SMYD3: variants seen among roughly 807,000 people sequenced by gnomAD.
SMYD3 encodes SET and MYND domain containing 3.
SMYD3 carries 36 observed loss-of-function variants against 57.7 expected under a neutral mutation model. The ratio of observed to expected loss-of-function variants is 0.62; its 90% CI spans 0.48 to 0.82. SMYD3 has a LOEUF of 0.82. Ranked by LOEUF, SMYD3 falls within the 40% of genes least tolerant of loss-of-function variation. The pLI is 0.00. For missense variants in SMYD3, 515 were observed against 538.8 expected (o/e 0.96, Z 0.44); for synonymous variants, 211 against 195.0 (o/e 1.08, Z -0.68).
intron 5 of SMYD3, among the ~76,000 whole-genome samples, chr1:245,979,928 T>C (rs1239047931): frequency 6.6e-6 from 1 of 152,236 alleles, no homozygotes; most frequent in Non-Finnish European, 1.5e-5. Context: ...ATCAGAATTA[T>C]CTTCCAGATC....
chr1:246,181,600 C>T (rs914343081), intron 5 of SMYD3, among the ~76,000 whole-genome samples: 1 of 152,090 alleles, frequency 6.6e-6, no homozygotes, highest in Non-Finnish European at 1.5e-5. Flanking sequence ...GTCAGAATAC[C>T]CCATAGGTAT....
intron 5 of SMYD3, among the ~76,000 whole-genome samples, chr1:245,961,782 A>C (rs1489978023): frequency 6.6e-6 from 1 of 152,092 alleles, no homozygotes; most frequent in Non-Finnish European, 1.5e-5. Flanking sequence ...TGTTACTATA[A>C]TTAACATGTA....
chr1:246,210,815 G>A (rs999321552), intron 5 of SMYD3, among the ~76,000 whole-genome samples: 1 of 152,054 alleles, frequency 6.6e-6, no homozygotes, highest in Non-Finnish European at 1.5e-5. Flanking sequence ...ATATTTGACC[G>A]TACGATCTTA....
intron 7 of SMYD3, among the ~76,000 whole-genome samples, chr1:245,919,998 G>T (rs1211831443): frequency 6.6e-6 from 1 of 152,124 alleles, no homozygotes; most frequent in East Asian, 1.9e-4. Context: ...TCTTTTCATT[G>T]TCTACAACTG....
chr1:246,116,619 GC>G (rs2061346294), intron 5 of SMYD3, among the ~76,000 whole-genome samples: 2 of 152,130 alleles, frequency 1.3e-5, no homozygotes, highest in Admixed American at 1.3e-4. Context: ...GAAGCCCTCA[GC>G]TATGCTATCT....
At chr1:245,816,448 G>A (rs1007394683) in intron 10 of SMYD3, among the ~76,000 whole-genome samples, 1 of 137,060 alleles carries the variant, frequency 7.3e-6, no homozygotes, top group Non-Finnish European at 1.5e-5. Flanking sequence ...ACTCATCTAA[G>A]CAACTGCAAA....
chr1:246,180,322 TATATATAA>T (rs1358924890), intron 5 of SMYD3, among the ~76,000 whole-genome samples: 33 of 146,986 alleles, frequency 2.2e-4, no homozygotes, highest in African/African-American at 8.1e-4. Flanking sequence ...AAACTACTTA[TATATATAA>T]GTATATATAT....
intron 5 of SMYD3, among the ~76,000 whole-genome samples, chr1:246,116,201 G>GACAC (rs56722969): frequency 0.011 from 1,535 of 145,988 alleles, 14 homozygotes; most frequent in Middle Eastern, 0.014. Context: ...CCCTGAGATG[G>GACAC]ACACACACAC....
intron 5 of SMYD3, among the ~76,000 whole-genome samples, chr1:246,122,037 G>C (rs960935759): frequency 6.6e-6 from 1 of 150,622 alleles, no homozygotes; most frequent in African/African-American, 2.5e-5. Context: ...AATATCCCTT[G>C]CAGAATGAAC....
chr1:246,447,366 A>G (rs1210373790), intron 1 of SMYD3, among the ~76,000 whole-genome samples: 1 of 152,266 alleles, frequency 6.6e-6, no homozygotes, highest in East Asian at 1.9e-4. Flanking sequence ...TTACCGTAAT[A>G]CAAATAATCA....
chr1:246,209,290 A>G (rs1266435919), intron 5 of SMYD3, among the ~76,000 whole-genome samples: 1 of 144,332 alleles, frequency 6.9e-6, no homozygotes, highest in Non-Finnish European at 1.5e-5. Context: ...AAAGCCATCT[A>G]TAAGTCATTC....
At chr1:245,948,314 T>C (rs958005196) in intron 5 of SMYD3, among the ~76,000 whole-genome samples, 1 of 151,998 alleles carries the variant, frequency 6.6e-6, no homozygotes, top group Non-Finnish European at 1.5e-5. Flanking sequence ...GAATTCAACA[T>C]GGAAGTGACA....
intron 10 of SMYD3, among the ~76,000 whole-genome samples, chr1:245,782,071 AG>A (rs1050404904): frequency 2.0e-5 from 3 of 152,178 alleles, no homozygotes; most frequent in Non-Finnish European, 4.4e-5. Flanking sequence ...CTCCTCTCAC[AG>A]TCTCTGAAGG....
intron 11 of SMYD3, among the ~76,000 whole-genome samples, chr1:245,754,787 G>A (rs561991247): frequency 2.0e-5 from 3 of 152,330 alleles, no homozygotes; most frequent in East Asian, 1.9e-4. Flanking sequence ...CAGCTTTAAT[G>A]AATAAAACTT....
intron 8 of SMYD3, among the ~76,000 whole-genome samples, chr1:245,901,104 A>G (rs1025422431): frequency 2.6e-5 from 4 of 152,058 alleles, no homozygotes; most frequent in Non-Finnish European, 5.9e-5. Flanking sequence ...GAGAGCAACT[A>G]CCTCTCTTGA....
At chr1:246,474,623 TAG>T (rs1279800739) in intron 1 of SMYD3, among the ~76,000 whole-genome samples, 3 of 151,764 alleles carry the variant, frequency 2.0e-5, no homozygotes, top group African/African-American at 7.3e-5. Context: ...ATTCTATGTA[TAG>T]AAATACAAAA....
chr1:245,925,671 T>C (rs1223624293), intron 7 of SMYD3, among the ~76,000 whole-genome samples: 1 of 152,136 alleles, frequency 6.6e-6, no homozygotes, highest in African/African-American at 2.4e-5. Flanking sequence ...CTCAATATAA[T>C]AGAGAGTCGA....
At chr1:246,481,607 T>TATATATATATATACAC in intron 1 of SMYD3, among the ~76,000 whole-genome samples, 1 of 61,980 alleles carries the variant, frequency 1.6e-5, no homozygotes, top group South Asian at 5.4e-4. Flanking sequence ...TATATATATA[T>TATATATATATATACAC]ACACATACAT....
intron 5 of SMYD3, among the ~76,000 whole-genome samples, chr1:246,038,135 T>C (rs2059808669): frequency 1.3e-5 from 2 of 152,236 alleles, no homozygotes; most frequent in African/African-American, 2.4e-5. Flanking sequence ...CTCTGAGATA[T>C]AAGCTGCAAC....
Sources: allele counts gnomAD v4.1 joint callset (sites outside exome capture counted in the v4.1 genomes callset), GRCh38; gene constraint gnomAD v4.1.1; transcripts MANE v1.5; gene names NCBI Gene and HGNC (gene_info 2026-07-23, HGNC 2026-07-21).